Variants in IL1RAPL2 observed in about 807,000 individuals in gnomAD.
IL1RAPL2 encodes the protein interleukin 1 receptor accessory protein like 2.
Under a neutral mutation model 44.1 loss-of-function variants are expected in IL1RAPL2, and 3 were observed. The ratio of observed to expected loss-of-function variants is 0.07; its 90% CI spans 0.03 to 0.18. The LOEUF (loss-of-function observed/expected upper bound fraction) is 0.18, where lower values mean the gene tolerates loss of function less well. Ranked by LOEUF, IL1RAPL2 falls within the 10% of genes least tolerant of loss-of-function variation. The pLI, the probability that IL1RAPL2 is intolerant of heterozygous loss-of-function variation, is 1.00. For missense variants in IL1RAPL2, 391 were observed against 496.4 expected (o/e 0.79, Z 2.02); for synonymous variants, 181 against 178.8 (o/e 1.01, Z -0.10).
At chrX:104,917,318 A>G (rs1401259588) in intron 2 of IL1RAPL2, among the ~76,000 whole-genome samples, 1 of 112,163 alleles carries the variant, frequency 8.9e-6, no homozygotes, top group Non-Finnish European at 1.9e-5. Context: ...AGTCTCTCAC[A>G]TTCTTCAGAT....
intron 1 of IL1RAPL2, among the ~76,000 whole-genome samples, chrX:104,633,551 CT>C (rs1160232376): frequency 8.9e-6 from 1 of 111,803 alleles, no homozygotes; most frequent in Non-Finnish European, 1.9e-5. Flanking sequence ...GATTCAGCTT[CT>C]TCCTGGTTTA....
At chrX:104,901,453 C>T (rs978802431) in intron 2 of IL1RAPL2, among the ~76,000 whole-genome samples, 8 of 109,120 alleles carry the variant, frequency 7.3e-5, no homozygotes, top group Non-Finnish European at 1.3e-4. Flanking sequence ...CCTCGTGATC[C>T]GCCCGCCTCA....
chrX:105,274,434 T>C (rs1406288912), intron 5 of IL1RAPL2, among the ~76,000 whole-genome samples: 2 of 112,588 alleles, frequency 1.8e-5, no homozygotes, highest in East Asian at 5.6e-4. Flanking sequence ...ATGATGTTCA[T>C]TGCAGTTATG....
intron 5 of IL1RAPL2, among the ~76,000 whole-genome samples, chrX:105,288,825 A>G (rs1372157516): frequency 9.0e-6 from 1 of 111,015 alleles, no homozygotes; most frequent in East Asian, 2.8e-4. Context: ...AGCACATATT[A>G]GGGGAAAGCC....
At chrX:105,343,880 C>CT (rs755496552) in intron 5 of IL1RAPL2, among the ~76,000 whole-genome samples, 12,954 of 100,268 alleles carry the variant, frequency 0.13, 2,208 homozygotes, top group African/African-American at 0.45. Context: ...TCAAAGTTTT[C>CT]TTTTTTTTTT....
chrX:104,754,169 T>G (rs899312567), intron 2 of IL1RAPL2, among the ~76,000 whole-genome samples: 7 of 111,325 alleles, frequency 6.3e-5, no homozygotes, highest in Non-Finnish European at 9.5e-5. Flanking sequence ...TGAAACTTTT[T>G]GCAACAGAAC....
chrX:105,300,206 C>T (rs1012178692), intron 5 of IL1RAPL2, among the ~76,000 whole-genome samples: 3 of 111,408 alleles, frequency 2.7e-5, no homozygotes, highest in East Asian at 5.6e-4. Flanking sequence ...GGGAAAAATA[C>T]GTGAGACTAG....
chrX:105,341,728 G>A (rs1201745372), intron 5 of IL1RAPL2, among the ~76,000 whole-genome samples: 1 of 111,179 alleles, frequency 9.0e-6, no homozygotes, highest in Non-Finnish European at 1.9e-5. Flanking sequence ...TCAGGAGATC[G>A]AGACTATCCT....
At chrX:105,193,353 C>A (rs138184265) in intron 2 of IL1RAPL2, among the ~76,000 whole-genome samples, 2,180 of 111,179 alleles carry the variant, frequency 0.02, 51 homozygotes, top group African/African-American at 0.068. Context: ...AAAATATTCC[C>A]GTGGGGTTTA....
chrX:105,118,851 A>C (rs2032890537), intron 2 of IL1RAPL2, among the ~76,000 whole-genome samples: 1 of 112,210 alleles, frequency 8.9e-6, no homozygotes, highest in Admixed American at 9.4e-5. Context: ...CAGCCCCAAT[A>C]AAAATGAGAT....
At chrX:105,711,762 T>A (rs1432460066) in intron 6 of IL1RAPL2, among the ~76,000 whole-genome samples, 1 of 111,741 alleles carries the variant, frequency 8.9e-6, no homozygotes, top group African/African-American at 3.3e-5. Flanking sequence ...GAAGAAGGTA[T>A]CTACTTCCAA....
chrX:105,600,909 A>G (rs1035239233), intron 6 of IL1RAPL2, among the ~76,000 whole-genome samples: 7 of 111,257 alleles, frequency 6.3e-5, no homozygotes, highest in African/African-American at 2.3e-4. Flanking sequence ...TCTCATTAAC[A>G]TATGATATCA....
chrX:104,868,752 C>T (rs965236354), intron 2 of IL1RAPL2, among the ~76,000 whole-genome samples: 3 of 112,120 alleles, frequency 2.7e-5, no homozygotes, highest in South Asian at 7.4e-4. Flanking sequence ...TTAATTTCTA[C>T]ACAAATCAAT....
At chrX:104,745,318 T>C (rs777086496) in intron 2 of IL1RAPL2, among the ~76,000 whole-genome samples, 1 of 112,250 alleles carries the variant, frequency 8.9e-6, no homozygotes, top group Non-Finnish European at 1.9e-5. Context: ...GTACTATAGT[T>C]GTACTGGAGT....
At chrX:104,883,382 G>T (rs1235081921) in intron 2 of IL1RAPL2, among the ~76,000 whole-genome samples, 3 of 111,079 alleles carry the variant, frequency 2.7e-5, no homozygotes, top group Admixed American at 1.9e-4. Context: ...TGGTTTGCCT[G>T]GAACAAGCTT....
intron 2 of IL1RAPL2, among the ~76,000 whole-genome samples, chrX:104,660,318 A>G (rs1025182654): frequency 1.8e-5 from 2 of 110,360 alleles, no homozygotes; most frequent in Admixed American, 2.0e-4. Flanking sequence ...CTTAACAGCA[A>G]ACATAACCTG....
intron 2 of IL1RAPL2, among the ~76,000 whole-genome samples, chrX:105,088,940 A>G (rs918766658): frequency 9.0e-6 from 1 of 111,046 alleles, no homozygotes; most frequent in African/African-American, 3.3e-5. Context: ...TGAATTAGAG[A>G]TATGGCCCTA....
chrX:104,610,358 G>A (rs1929124797), intron 1 of IL1RAPL2, among the ~76,000 whole-genome samples: 2 of 111,312 alleles, frequency 1.8e-5, no homozygotes, highest in African/African-American at 6.5e-5. Context: ...GTTTGCAGAT[G>A]ACATGATTGT....
At chrX:105,460,178 C>T (rs1222875195) in intron 5 of IL1RAPL2, among the ~76,000 whole-genome samples, 4 of 110,869 alleles carry the variant, frequency 3.6e-5, no homozygotes, top group South Asian at 3.8e-4. Flanking sequence ...GACAAGCAGG[C>T]GACTCACCTC....
Sources: gnomAD v4.1 joint callset for allele counts (sites outside exome capture counted in the v4.1 genomes callset) on GRCh38, gnomAD v4.1.1 for gene constraint, MANE v1.5 for transcripts, NCBI Gene and HGNC (gene_info 2026-07-23, HGNC 2026-07-21) for gene names.